GLDN: variants seen among roughly 807,000 people sequenced by gnomAD.
GLDN encodes the protein gliomedin.
GLDN carries 47 observed loss-of-function variants against 56.5 expected under a neutral mutation model. The observed-to-expected ratio is 0.83, with a 90% CI of 0.66 to 1.06. The LOEUF is 1.06. Ranked by LOEUF, GLDN falls within the 50% of genes least tolerant of loss-of-function variation. The pLI is 0.00. For missense variants in GLDN, 782 were observed against 714.3 expected (o/e 1.09, Z -1.08); for synonymous variants, 332 against 278.8 (o/e 1.19, Z -1.90).
rs115706899 is a variant in GLDN, at chr15:51,404,181, C to A, written c.1179-96C>A. 1.8e-3 allele frequency: 1,659 copies of A among 937,112 alleles called. 19 individuals are homozygous for A. In the African/African-American group the frequency reaches 0.025, roughly 14 times the overall value. 58.0% of individuals were successfully genotyped at this position (937,112 alleles called of 1,614,324 possible). A position where few individuals can be genotyped will look rare whatever the true frequency, so the allele number is the denominator to read the frequency against. ...GAATGCAAAATCCCAGCCCTCACCC[C>A]AGACCCACTAACTCAGTTTAATAGA... On this transcript the variant is annotated intron_variant, in intron 9 of 9. Coordinates refer to ENST00000335449, the MANE Select transcript of GLDN (RefSeq NM_181789.4).
chr15:51,384,127 C>T (rs990536438), intron 4 of GLDN: 19 of 524,572 alleles, frequency 3.6e-5, no homozygotes, highest in Admixed American at 1.6e-4. Context: ...GGAACTGACT[C>T]GCACCCTTCT....
chr15:51,368,366 C>A (rs2037448258), intron 1 of GLDN, among the ~76,000 whole-genome samples: 1 of 152,036 alleles, frequency 6.6e-6, no homozygotes, highest in South Asian at 2.1e-4. Context: ...TCAGTAGGGA[C>A]TGGGCTTTTT....
At chr15:51,362,815 G>A (rs1332186501) in intron 1 of GLDN, among the ~76,000 whole-genome samples, 1 of 152,218 alleles carries the variant, frequency 6.6e-6, no homozygotes, top group Non-Finnish European at 1.5e-5. Flanking sequence ...TAGTGGCTTA[G>A]ACCAAGTGAA....
chr15:51,369,545 G>A (rs1566940841), intron 1 of GLDN, among the ~76,000 whole-genome samples: 1 of 152,196 alleles, frequency 6.6e-6, no homozygotes, highest in Non-Finnish European at 1.5e-5. Context: ...TTCATTCTGA[G>A]AGTAAAAGGT....
chr15:51,349,244 A>C lies in GLDN; in HGVS notation c.363+7197A>C, dbSNP rs150553156. ...AGAGAAAAAAAATCACATTACCTAC[A>C]GTCACAGCTCCTGTTTGCAGTGCTA... On this transcript the variant is annotated intron_variant, in intron 1 of 9. Coordinates refer to ENST00000335449, the MANE Select transcript of GLDN (RefSeq NM_181789.4). 2.1e-3 allele frequency among the ~76,000 whole-genome samples: 325 copies of C among 152,380 alleles called. 1 individual carries two copies. Among genetic ancestry groups the C allele is most frequent in the African/African-American group, 7.4e-3 (309 of 41,596 alleles).
intron 1 of GLDN, among the ~76,000 whole-genome samples, chr15:51,357,430 A>G (rs528804947): frequency 2.0e-5 from 3 of 152,124 alleles, no homozygotes; most frequent in Non-Finnish European, 2.9e-5. Flanking sequence ...TTCACTTGCT[A>G]TTCTGTTCTA....
chr15:51,374,710 T>A (rs2037592656), intron 1 of GLDN, among the ~76,000 whole-genome samples: 1 of 151,446 alleles, frequency 6.6e-6, no homozygotes, highest in Admixed American at 6.6e-5. Flanking sequence ...TTAAATTATC[T>A]GTACACATTT....
intron 2 of GLDN, 68 bp from the exon 3 acceptor site, chr15:51,383,368 G>A: frequency 6.5e-7 from 1 of 1,531,232 alleles, no homozygotes; most frequent in Non-Finnish European, 9.0e-7. Context: ...GAGATTTGAA[G>A]GTCGGGGGTG....
intron 1 of GLDN, chr15:51,351,320 T>G (rs1394211066): frequency 6.5e-6 from 1 of 154,636 alleles, no homozygotes; most frequent in Non-Finnish European, 1.4e-5. Context: ...TGCTCTTGTC[T>G]TTATGCACAC....
Position 51,341,999 on chromosome 15 carries a change from C to T in GLDN, c.315C>T (p.Arg105=). 1 of 1,597,892 alleles carries T rather than the reference C, an allele frequency of 6.3e-7. No individual in the cohort carries two copies. ...SHSGEPAPHI[R]AESHDMLMMM... ...GCGGCGAGCCCGCGCCGCATATCCGCGCCGAGAGCCATGACATGCTGATGA... is the reference window on the plus strand; with the variant it reads ...GCGGCGAGCCCGCGCCGCATATCCGTGCCGAGAGCCATGACATGCTGATGA... The change falls in exon 1 of 10, where the codon CGC becomes CGT. Residue 105 remains arginine (R), a synonymous_variant. Coordinates refer to ENST00000335449, the MANE Select transcript of GLDN (RefSeq NM_181789.4).
chr15:51,377,402 G>C, intron 1 of GLDN, 47 bp from the exon 2 acceptor site: 1 of 1,509,852 alleles, frequency 6.6e-7, no homozygotes, highest in South Asian at 1.1e-5. Flanking sequence ...GATGAGCCCA[G>C]GGCCTGCTGC....
At chr15:51,347,773 A>C (rs2037004187) in intron 1 of GLDN, among the ~76,000 whole-genome samples, 1 of 152,240 alleles carries the variant, frequency 6.6e-6, no homozygotes, top group Admixed American at 6.5e-5. Flanking sequence ...TTGTAAAAGC[A>C]AAAGACTGTA....
rs577896564 is a variant in GLDN, at chr15:51,383,293, G to A, written c.416-143G>A. ...TTGAATTGCTTTAAAGGGTCTTTTG[G>A]CCAAATATAACGAGTTCTAAATACA... On this transcript the variant is annotated intron_variant, in intron 2 of 9. Transcript: ENST00000335449. 45 of 879,240 alleles carry A rather than the reference G, an allele frequency of 5.1e-5. No individual in the cohort carries two copies. The South Asian group carries it at 7.3e-4, about 14-fold the overall frequency. The allele number at this position is 879,240 out of a possible 1,614,324, so 54.5% of individuals were successfully genotyped here. A position where few individuals can be genotyped will look rare whatever the true frequency, so the allele number is the denominator to read the frequency against.
intron 3 of GLDN, 70 bp downstream of exon 3, chr15:51,383,523 G>C: frequency 1.3e-6 from 2 of 1,560,660 alleles, no homozygotes; most frequent in Non-Finnish European, 1.8e-6. Flanking sequence ...CTCCCTGTTG[G>C]GACAGATGCG....
chr15:51,389,336 C>CATGA (rs935338387), intron 4 of GLDN, among the ~76,000 whole-genome samples: 1 of 152,156 alleles, frequency 6.6e-6, no homozygotes. Flanking sequence ...TGAATGCATG[C>CATGA]ATGAATGAAT....
Position 51,400,179 on chromosome 15 carries a change from G to C in GLDN, c.818-13G>C, listed in dbSNP as rs377663958. On this transcript the variant is annotated splice_polypyrimidine_tract_variant and intron_variant, in intron 6 of 9. Coordinates refer to ENST00000335449, the MANE Select transcript of GLDN (RefSeq NM_181789.4). ...AACCGTATCGGCTCTGATGATTATT[G>C]TTGTCATTTTAGGTGAGACTTGTGC... 6.2e-7 allele frequency: 1 copy of C among 1,612,628 alleles called. No homozygotes were observed. Among genetic ancestry groups the C allele is most frequent in the Middle Eastern group, 1.6e-4 (1 of 6,084 alleles).
At chr15:51,399,222 CA>C (rs2038198270) in intron 6 of GLDN, among the ~76,000 whole-genome samples, 1 of 152,198 alleles carries the variant, frequency 6.6e-6, no homozygotes, top group Non-Finnish European at 1.5e-5. Flanking sequence ...CAGGGAAACA[CA>C]GGCTTATCCA....
rs1201215102 is a variant in GLDN, at chr15:51,341,888, C to A, written c.204C>A (p.Phe68Leu). The A allele has an allele frequency of 2.5e-6, 4 of 1,581,570 alleles. No individual in the cohort carries two copies. Among genetic ancestry groups the A allele is most frequent in the East Asian group, 4.6e-5 (2 of 43,858 alleles). The change falls in exon 1 of 10, where the codon TTC becomes TTA. Residue 68 changes from phenylalanine (F) to leucine (L), a missense_variant. Coordinates refer to ENST00000335449, the MANE Select transcript of GLDN (RefSeq NM_181789.4). ...EQREDSALRS[F>L]LAELSRAPRG... is the part of the protein sequence containing the mutation. ...GCGAGGACAGTGCCCTGCGCTCCTT[C>A]CTGGCCGAGTTGAGCCGCGCGCCGC...
chr15:51,352,889 C>T (rs1418534544), intron 1 of GLDN, among the ~76,000 whole-genome samples: 1 of 152,048 alleles, frequency 6.6e-6, no homozygotes, highest in Non-Finnish European at 1.5e-5. Context: ...TCAGCCCCTC[C>T]CCAAAATGAA....
Sources: allele counts gnomAD v4.1 joint callset (sites outside exome capture counted in the v4.1 genomes callset), GRCh38; gene constraint gnomAD v4.1.1; transcripts MANE v1.5; gene names NCBI Gene and HGNC (gene_info 2026-07-23, HGNC 2026-07-21).